The following TBCCD1 variants were observed in gnomAD, a reference collection of about 807,000 sequenced individuals.
The protein encoded by TBCCD1 is TBCC domain-containing protein 1.
TBCCD1 carries 26 observed loss-of-function variants against 53.4 expected under a neutral mutation model. That is an observed-to-expected ratio of 0.49 (90% CI 0.36 to 0.68). The LOEUF (loss-of-function observed/expected upper bound fraction) is 0.68. TBCCD1 is among the 30% of genes least tolerant of loss of function. The probability of loss-of-function intolerance (pLI) is 0.00; values close to 1 mark genes in which losing one functional copy is unlikely to be tolerated. For missense variants in TBCCD1, 558 were observed against 669.5 expected, an observed-to-expected ratio of 0.83 and a Z score of 1.84; for synonymous variants, 245 against 241.7, an observed-to-expected ratio of 1.01 and a Z score of -0.13.
intron 7 of TBCCD1, among the ~76,000 whole-genome samples, chr3:186,548,922 C>T (rs1714288013): frequency 6.6e-6 from 1 of 152,062 alleles, no homozygotes; most frequent in Non-Finnish European, 1.5e-5. Context: ...TTGGCCATTC[C>T]ACATGCATAT....
At chr3:186,569,058 C>A (rs1714925548), upstream of TBCCD1, among the ~76,000 whole-genome samples, 1 of 151,952 alleles carries the variant, frequency 6.6e-6, no homozygotes, top group Non-Finnish European at 1.5e-5. Flanking sequence ...CCCATGCTAG[C>A]ACATGAGGGA....
At chr3:186,553,815 A>T (rs1560224301) in intron 6 of TBCCD1, among the ~76,000 whole-genome samples, 1 of 152,156 alleles carries the variant, frequency 6.6e-6, no homozygotes, top group Non-Finnish European at 1.5e-5. Flanking sequence ...TTGAAATACT[A>T]ATTTGAAATC....
intron 7 of TBCCD1, among the ~76,000 whole-genome samples, chr3:186,548,924 C>T (rs1027035543): frequency 6.6e-6 from 1 of 152,140 alleles, no homozygotes; most frequent in African/African-American, 2.4e-5. Context: ...GGCCATTCCA[C>T]ATGCATATAT....
At chr3:186,551,352 C>A in intron 6 of TBCCD1, 73 bp from the exon 7 acceptor site, 1 of 1,351,746 alleles carries the variant, frequency 7.4e-7, no homozygotes, top group Admixed American at 2.1e-5. Flanking sequence ...AGCAATTATA[C>A]AATATTTTAA....
intron 2 of TBCCD1, among the ~76,000 whole-genome samples, chr3:186,558,979 A>G (rs1053624840): frequency 1.3e-5 from 2 of 152,184 alleles, no homozygotes; most frequent in Non-Finnish European, 2.9e-5. Flanking sequence ...TCCTGACCTC[A>G]GGTGATCTGC....
At position 186,546,439 on chromosome 3, in the gene TBCCD1, G is replaced by A. The variant is rs1236843166; in HGVS notation, c.*538C>T. 1 of 152,096 alleles carries A rather than the reference G, an allele frequency of 6.6e-6. No homozygotes were observed. The highest frequency in any genetic ancestry group is 1.9e-4 in the East Asian group (1 of 5,198). The allele number at this position is 152,096 out of a possible 1,614,324, so 9.4% of individuals were successfully genotyped here. Reference sequence around the variant, plus strand: ...GCATCACAAAGACGAGTCTTCTGATGTTCTATAAGCAATATGTTTATATGA... The same window carrying A: ...GCATCACAAAGACGAGTCTTCTGATATTCTATAAGCAATATGTTTATATGA... On this transcript the variant is annotated 3_prime_UTR_variant, in exon 8 of 8. Coordinates refer to ENST00000338733, the MANE Select transcript of TBCCD1 (RefSeq NM_018138.5).
chr3:186,563,493 TAGTC>T (rs1714740763), intron 2 of TBCCD1, among the ~76,000 whole-genome samples: 1 of 152,230 alleles, frequency 6.6e-6, no homozygotes, highest in African/African-American at 2.4e-5. Context: ...CATTTTAAAA[TAGTC>T]AGGTGCTCTG....
chr3:186,564,932 A>C (rs1485889636), intron 1 of TBCCD1, among the ~76,000 whole-genome samples: 1 of 152,046 alleles, frequency 6.6e-6, no homozygotes, highest in Non-Finnish European at 1.5e-5. Flanking sequence ...CAGTGAACCC[A>C]CTCTAGCATA....
chr3:186,564,127 G>A lies in TBCCD1; in HGVS notation c.203C>T (p.Ala68Val). ...RHIACGKLQL[A>V]KDLAWLYFEI... ...GAAGTAAAGCCACGCCAGGTCCTTGGCCAACTGCAGCTTCCCACAAGCGAT... is the reference window on the plus strand; with the variant it reads ...GAAGTAAAGCCACGCCAGGTCCTTGACCAACTGCAGCTTCCCACAAGCGAT... Residue 68 changes from alanine (A) to valine (V), a missense_variant, in exon 2 of 8, where the codon GCC becomes GTC. Transcript: ENST00000338733. 6.2e-7 allele frequency: 1 copy of A among 1,614,150 alleles called. No individual in the cohort carries two copies. Among genetic ancestry groups the A allele is most frequent in the Non-Finnish European group, 8.5e-7 (1 of 1,180,038 alleles).
Position 186,554,604 on chromosome 3 carries a change from G to A in TBCCD1, c.1194C>T (p.His398=), listed in dbSNP as rs777994183. 40 of 1,613,978 alleles carry A rather than the reference G, an allele frequency of 2.5e-5. No homozygotes were observed. Among genetic ancestry groups the A allele is most frequent in the African/African-American group, 9.3e-5 (7 of 74,898 alleles). The change falls in exon 6 of 8, where the codon CAC becomes CAT. Residue 398 remains histidine, a synonymous_variant. Transcript: ENST00000338733. The part of the protein sequence containing the change: ...SISSTTGCIF[H]VLTPTRPLIL... ...TAAGTGGGCGTGTAGGCGTAAGAAC[G>A]TGAAAGATGCAACCTGTTGTAGAAG...
intron 6 of TBCCD1, among the ~76,000 whole-genome samples, chr3:186,552,149 G>A (rs1002087927): frequency 2.0e-5 from 3 of 152,044 alleles, no homozygotes; most frequent in African/African-American, 4.8e-5. Flanking sequence ...TTTGAGCTTA[G>A]GTCTAAATGA....
rs976026570 is a variant in TBCCD1, at chr3:186,554,421, C to G, written c.1377G>C (p.Gln459His). Reference protein sequence around the residue: ...CRENSDTRVFQLLPPCEFYVF... With the variant: ...CRENSDTRVFHLLPPCEFYVF... ...CATAGAATTCACAAGGTGGTAAAAG[C>G]TGGAAGACTCTTGTGTCGCTGTTCT... The change falls in exon 6 of 8, where the codon CAG becomes CAC. Residue 459 changes from glutamine (Q) to histidine (H), a missense_variant. Transcript: ENST00000338733. 2 of 1,614,212 alleles carry G rather than the reference C, an allele frequency of 1.2e-6. No homozygotes were observed. The highest frequency in any genetic ancestry group is 1.7e-6 in the Non-Finnish European group (2 of 1,180,044).
At chr3:186,553,164 A>G (rs1430065684) in intron 6 of TBCCD1, among the ~76,000 whole-genome samples, 1 of 152,180 alleles carries the variant, frequency 6.6e-6, no homozygotes, top group African/African-American at 2.4e-5. Context: ...CCACTTGAAA[A>G]CACTGACTCA....
intron 7 of TBCCD1, 149 bp downstream of exon 7, chr3:186,550,980 T>C (rs887895963): frequency 4.3e-6 from 3 of 701,044 alleles, no homozygotes; most frequent in South Asian, 3.4e-5. Flanking sequence ...CTATAAAATA[T>C]GGTAAATATG....
chr3:186,554,712 G>A lies in TBCCD1; in HGVS notation c.1086C>T (p.Val362=), dbSNP rs1261537192. 2.5e-6 allele frequency: 4 copies of A among 1,614,078 alleles called. No homozygotes were observed. The highest frequency in any genetic ancestry group is 1.1e-5 in the South Asian group (1 of 91,060). Residue 362 remains valine (V), a synonymous_variant, in exon 6 of 8, where the codon GTC becomes GTT. Coordinates refer to ENST00000338733, the MANE Select transcript of TBCCD1 (RefSeq NM_018138.5). ...GAAGTGTAGTCCCTACAGGGCCCAAGACAAAGATGCTATTCCTGCACTTCT... is the reference window on the plus strand; with the variant it reads ...GAAGTGTAGTCCCTACAGGGCCCAAAACAAAGATGCTATTCCTGCACTTCT... ...TIEKCRNSIF[V]LGPVGTTLHL...
intron 7 of TBCCD1, among the ~76,000 whole-genome samples, chr3:186,550,503 T>C (rs1282533111): frequency 2.6e-5 from 4 of 151,894 alleles, no homozygotes; most frequent in Admixed American, 6.6e-5. Context: ...CGAGAATCAC[T>C]TGAACCCAGG....
upstream of TBCCD1, chr3:186,570,448 C>T (rs1714986774): frequency 1.9e-5 from 9 of 484,098 alleles, no homozygotes; most frequent in South Asian, 3.5e-4. Flanking sequence ...CCTCAGGTGC[C>T]CTCACTCTGA....
rs765532413 is a variant in TBCCD1 at position 186,564,264 on chromosome 3, G to C, written c.66C>G (p.Val22=). Residue 22 remains valine, a synonymous_variant, in exon 2 of 8, where the codon GTC becomes GTG. Transcript: ENST00000338733. ...GAAGACTAAACTTGGATGGAGGGGG[G>C]ACCTGCAAGGCACCCACTATAAAGG... ...AEPFIVGALQ[V]PPPSKFSLHY... 3.1e-6 allele frequency: 5 copies of C among 1,614,044 alleles called. No individual in the cohort carries two copies. The highest frequency in any genetic ancestry group is 4.2e-6 in the Non-Finnish European group (5 of 1,180,050).
chr3:186,554,390 T>G lies in TBCCD1; in HGVS notation c.1408A>C (p.Ile470Leu), dbSNP rs773784645. ...LLPPCEFYVF[I>L]IPFEMEGDTT... ...TCCCCTTCCATTTCAAAGGGAATAATAAATACATAGAATTCACAAGGTGGT... is the reference window on the plus strand; with the variant it reads ...TCCCCTTCCATTTCAAAGGGAATAAGAAATACATAGAATTCACAAGGTGGT... The change falls in exon 6 of 8, where the codon ATT becomes CTT. Residue 470 changes from isoleucine to leucine, a missense_variant. Coordinates refer to ENST00000338733, the MANE Select transcript of TBCCD1 (RefSeq NM_018138.5). 6.2e-7 allele frequency: 1 copy of G among 1,614,082 alleles called. No individual in the cohort carries two copies. Among genetic ancestry groups the G allele is most frequent in the African/African-American group, 1.3e-5 (1 of 74,938 alleles).
Sources: allele counts gnomAD v4.1 joint callset (sites outside exome capture counted in the v4.1 genomes callset), GRCh38; gene constraint gnomAD v4.1.1; transcripts MANE v1.5; gene names NCBI Gene and HGNC (gene_info 2026-07-23, HGNC 2026-07-21).